Variants in FTCD observed in about 807,000 individuals in gnomAD.
FTCD encodes the protein formimidoyltransferase cyclodeaminase.
Under a neutral mutation model 62.9 loss-of-function variants are expected in FTCD, and 76 were observed. The ratio of observed to expected loss-of-function variants is 1.21; its 90% confidence interval spans 1.00 to 1.46. FTCD has a LOEUF of 1.46. FTCD is among the 40% of genes most tolerant of loss of function. FTCD has a pLI of 0.00. For missense variants in FTCD, 845 were observed against 751.3 expected, an observed-to-expected ratio of 1.12 and a Z score of -1.46; for synonymous variants, 397 against 336.9, an observed-to-expected ratio of 1.18 and a Z score of -1.95.
chr21:46,155,043 G>A (rs2079397327), intron 1 of FTCD, among the ~76,000 whole-genome samples: 1 of 152,218 alleles, frequency 6.6e-6, no homozygotes, highest in Non-Finnish European at 1.5e-5. Context: ...GCTGCAGGGT[G>A]GGGGCTCAGC....
Position 46,137,680 on chromosome 21 carries a change from AGGGACACTTCCCAGGGACTGAG to A in FTCD, c.1444-368_1444-347del, listed in dbSNP as rs1370167637. On this transcript the variant is annotated intron_variant, in intron 12 of 13. Transcript: ENST00000397746. ...CAGGCTAACGGCCCGCCCACTGCCC[AGGGACACTTCCCAGGGACTGAG>A]GGGACACTTCTCTGGGACCAGATGC... 2.6e-5 allele frequency among the ~76,000 whole-genome samples: 4 copies of A among 152,280 alleles called. No individual in the cohort carries two copies. In the East Asian group the frequency reaches 7.7e-4, roughly 29 times the overall value.
intron 10 of FTCD, among the ~76,000 whole-genome samples, chr21:46,141,142 A>G (rs1288761524): frequency 1.3e-5 from 2 of 152,098 alleles, no homozygotes; most frequent in African/African-American, 4.8e-5. Context: ...TTTTATATAC[A>G]TATGTTTACA....
chr21:46,154,348 G>A lies in FTCD; in HGVS notation c.55-16C>T, dbSNP rs780696131. 202 of 1,604,476 alleles carry A rather than the reference G, an allele frequency of 1.3e-4. No individual in the cohort carries two copies. The highest frequency in any genetic ancestry group is 6.1e-4 in the Admixed American group (36 of 59,112). ...CGTCGATCACCTGGGACACAGGCCC[G>A]GCCCCCACACCTCAGTCTCCCCGTT... On this transcript the variant is annotated splice_polypyrimidine_tract_variant and intron_variant, in intron 1 of 13. Transcript: ENST00000397746.
rs2079239929 is a variant in FTCD, at chr21:46,150,394, T to A, written c.768A>T (p.Glu256Asp). 1.2e-6 allele frequency: 2 copies of A among 1,612,806 alleles called. No individual in the cohort carries two copies. The highest frequency in any genetic ancestry group is 1.7e-6 in the Non-Finnish European group (2 of 1,179,978). ...CGGCTGCTCCCGGGCTCACCTGTGC[T>A]TCTCGGCAGGTCTCCTCGTAGACCG... The part of the protein sequence containing the change: ...LHTVYEETCR[E>D]AQELSLPVVG... Residue 256 changes from glutamate (E) to aspartate (D), a missense_variant, in exon 6 of 14, where the codon GAA (glutamate) becomes GAT (aspartate). Coordinates refer to ENST00000397746, the MANE Select transcript of FTCD (RefSeq NM_206965.2).
At chr21:46,144,987 T>G (rs1196961002) in intron 10 of FTCD, among the ~76,000 whole-genome samples, 1 of 151,846 alleles carries the variant, frequency 6.6e-6, no homozygotes, top group Non-Finnish European at 1.5e-5. Flanking sequence ...ATGCTGTGGC[T>G]GAAACGGGTC....
chr21:46,139,664 C>T lies in FTCD; in HGVS notation c.1261-741G>A, dbSNP rs187266800. The stretch of plus-strand genomic sequence containing the variant: ...TGGATGAGAGCAAATGCTCCCTGGG[C>T]GCCAGCCAGATCTGGATCCTTTGAC... On this transcript the variant is annotated intron_variant, in intron 10 of 13. Transcript: ENST00000397746. Among the ~76,000 whole-genome samples, 57 of 152,346 alleles carry T rather than the reference C, an allele frequency of 3.7e-4. 1 individual carries two copies. The highest frequency in any genetic ancestry group is 1.3e-3 in the African/African-American group (52 of 41,576).
chr21:46,140,159 T>TC (rs1340760397), intron 10 of FTCD, among the ~76,000 whole-genome samples: 1 of 151,842 alleles, frequency 6.6e-6, no homozygotes, highest in African/African-American at 2.4e-5. Flanking sequence ...AATCCAGCAC[T>TC]CCCCGTCCAC....
In FTCD at chr21:46,146,211, C is replaced by G. The variant is rs2079143683; in HGVS notation, c.968+55G>C. The G allele has an allele frequency of 5.4e-6, 7 of 1,292,108 alleles. No individual in the cohort carries two copies. In the Admixed American group the frequency reaches 1.1e-4, roughly 21 times the overall value. The allele number at this position is 1,292,108 out of a possible 1,614,324, so 80.0% of individuals were successfully genotyped here. A position where few individuals can be genotyped will look rare whatever the true frequency, so the allele number is the denominator to read the frequency against. On this transcript the variant is annotated intron_variant, in intron 8 of 13. Transcript: ENST00000397746. ...GCAGGGACCCCAGCGCCCCGCAAGG[C>G]CCGAGAGGCAGAGCCCGGGAGGGGT...
intron 13 of FTCD, 79 bp downstream of exon 13, chr21:46,137,160 A>T (rs9284510): frequency 6.3e-7 from 1 of 1,588,968 alleles, no homozygotes; most frequent in Non-Finnish European, 8.6e-7. Context: ...CACTGCCCAC[A>T]GCCAGTCGGC....
rs1464864195 is a variant in FTCD at position 46,151,937 on chromosome 21, G to C, written c.411C>G (p.Thr137=). The change falls in exon 4 of 14, where the codon ACC becomes ACG. Residue 137 remains threonine (T), a synonymous_variant. Transcript: ENST00000397746. ...ACTCCCCGGCCCGGATGGCCGGCAG[G>C]GTCCGGCGACTGTCCATCCTGGCTG... ...GEAARMDSRR[T]LPAIRAGEYE... 1.9e-6 allele frequency: 3 copies of C among 1,573,298 alleles called. No individual in the cohort carries two copies. The highest frequency in any genetic ancestry group is 2.3e-5 in the East Asian group (1 of 42,576).
chr21:46,150,525 G>A lies in FTCD; in HGVS notation c.637C>T (p.Pro213Ser). 1.2e-6 allele frequency: 2 copies of A among 1,613,190 alleles called. No individual in the cohort carries two copies. Among genetic ancestry groups the A allele is most frequent in the Non-Finnish European group, 1.7e-6 (2 of 1,179,942 alleles). ...CCCTGAACTTTCTTCAGACGTCCTG[G>A]CTGCAAAGGAAGAGCGTTCCCCAGC... Reference protein sequence around the residue: ...LREQGRGKDQPGRLKKVQGIG... With the variant: ...LREQGRGKDQSGRLKKVQGIG... The change falls in exon 6 of 14, where the codon CCA becomes TCA. Residue 213 changes from proline (P) to serine (S), a missense_variant and splice_region_variant. Transcript: ENST00000397746.
chr21:46,136,733 C>A (rs574842834), downstream of FTCD: 5 of 1,480,664 alleles, frequency 3.4e-6, no homozygotes, highest in Non-Finnish European at 4.5e-6. Flanking sequence ...AGACCCGCAG[C>A]TCAGCTCTCA....
chr21:46,155,047 G>T (rs1171554627), intron 1 of FTCD, among the ~76,000 whole-genome samples: 1 of 152,192 alleles, frequency 6.6e-6, no homozygotes, highest in Non-Finnish European at 1.5e-5. Flanking sequence ...CAGGGTGGGG[G>T]CTCAGCAAGC....
In FTCD at chr21:46,149,662, C is replaced by T. The variant is rs889437391; in HGVS notation, c.906+457G>A. On this transcript the variant is annotated intron_variant, in intron 7 of 13. Coordinates refer to ENST00000397746, the MANE Select transcript of FTCD (RefSeq NM_206965.2). ...AGCAGGACCTGAGGCCCCGGTGGAA[C>T]CCAGACTCCAGAAGCCTTGAGGCCC... Among the ~76,000 whole-genome samples, 18 of 152,190 alleles carry T rather than the reference C, an allele frequency of 1.2e-4. 1 individual carries two copies. The highest frequency in any genetic ancestry group is 2.0e-4 in the Admixed American group (3 of 15,274).
At chr21:46,138,963 G>T (rs373743434) in intron 10 of FTCD, 40 bp from the exon 11 acceptor site, 6 of 1,543,202 alleles carry the variant, frequency 3.9e-6, no homozygotes, top group Non-Finnish European at 5.4e-6. Flanking sequence ...AGGGACCGTA[G>T]GGGGAGCAGC....
At chr21:46,152,881 T>C in intron 3 of FTCD, 26 bp downstream of exon 3, 1 of 1,006,940 alleles carries the variant, frequency 9.9e-7, no homozygotes, top group Non-Finnish European at 1.3e-6. Context: ...GGGAGCAGAG[T>C]GAGGGGGGCG....
At chr21:46,142,416 AGC>A (rs2079035854) in intron 10 of FTCD, 1 of 148,936 alleles carries the variant, frequency 6.7e-6, no homozygotes, top group African/African-American at 2.5e-5. Flanking sequence ...CTTCACAGTG[AGC>A]GTTAAGCTCT....
rs2078936492 is a variant in FTCD, at chr21:46,139,023, G to A, written c.1261-100C>T. The A allele has an allele frequency of 2.4e-5, 22 of 899,102 alleles. No homozygotes were observed. The South Asian group carries it at 2.5e-4, about 10-fold the overall frequency. The allele number at this position is 899,102 out of a possible 1,614,324, so 55.7% of individuals were successfully genotyped here. A position where few individuals can be genotyped will look rare whatever the true frequency, so the allele number is the denominator to read the frequency against. On this transcript the variant is annotated intron_variant, in intron 10 of 13. Transcript: ENST00000397746. ...GGCTGTAGCAAGGAGCATGTCCCAG[G>A]CAGGGACCAGTTCTCTGGGAACCAA...
intron 11 of FTCD, 32 bp from the exon 12 acceptor site, chr21:46,138,678 G>A: frequency 6.3e-7 from 1 of 1,592,346 alleles, no homozygotes; most frequent in Non-Finnish European, 8.5e-7. Context: ...CCTGAGCACA[G>A]CGGCACACAC....
Sources: allele counts gnomAD v4.1 joint callset (sites outside exome capture counted in the v4.1 genomes callset), GRCh38; gene constraint gnomAD v4.1.1; transcripts MANE v1.5; gene names NCBI Gene and HGNC (gene_info 2026-07-23, HGNC 2026-07-21).